The following NPC1 variants were observed in gnomAD, a reference collection of about 807,000 sequenced individuals.
NPC1 encodes the protein Niemann-Pick C1 protein.
Under a neutral mutation model 140.4 loss-of-function variants are expected in NPC1, and 85 were observed. The ratio of observed to expected loss-of-function variants is 0.61; its 90% CI spans 0.51 to 0.72. The LOEUF is 0.72. Ranked by LOEUF, NPC1 falls within the 30% of genes least tolerant of loss-of-function variation. NPC1 has a pLI of 0.00. For missense variants in NPC1, 1,504 were observed against 1,623.8 expected (o/e 0.93, Z 1.27); for synonymous variants, 656 against 624.8 (o/e 1.05, Z -0.74).
At position 23,585,680 on chromosome 18, in the gene NPC1, C is replaced by T. The variant is rs188365114; in HGVS notation, c.57+607G>A. ...AGTCAGCAGGACACCGAGTTCCAGGCCCCATCCTGTCGCTGGCTAATAGTG... is the reference window on the plus strand; with the variant it reads ...AGTCAGCAGGACACCGAGTTCCAGGTCCCATCCTGTCGCTGGCTAATAGTG... On this transcript the variant is annotated intron_variant, in intron 1 of 24. Transcript: ENST00000269228. 5.3e-5 allele frequency among the ~76,000 whole-genome samples: 8 copies of T among 152,282 alleles called. No individual in the cohort carries two copies. The East Asian group carries it at 1.5e-3, about 29-fold the overall frequency.
At chr18:23,526,822 C>G, downstream of NPC1, 1 of 1,582,818 alleles carries the variant, frequency 6.3e-7, no homozygotes, top group Non-Finnish European at 8.6e-7. Flanking sequence ...TGCTGCCCAA[C>G]ACTTTTTATC....
At chr18:23,576,352 G>A (rs1599017169) in intron 1 of NPC1, 1 of 367,562 alleles carries the variant, frequency 2.7e-6, no homozygotes, top group Non-Finnish European at 3.8e-6. Context: ...AACCCAGGAG[G>A]TTGAGGCTGC....
chr18:23,572,163 G>C lies in NPC1; in HGVS notation c.198C>G (p.Phe66Leu), dbSNP rs1464483708. The change falls in exon 3 of 25, where the codon TTC (phenylalanine) becomes TTG (leucine). Residue 66 changes from phenylalanine (F) to leucine (L), a missense_variant. Phe to Leu is a conservative substitution (Grantham distance 22, BLOSUM62 0). Coordinates refer to ENST00000269228, the MANE Select transcript of NPC1 (RefSeq NM_000271.5). ...AACAGAGACTGACATTGCCAAAGAA[G>C]AATCCTGGACAGAGTTCCTTTCAGG... ...YDLVQELCPG[F>L]FFGNVSLCCD... 1 of 1,612,932 alleles carries C rather than the reference G, an allele frequency of 6.2e-7. No homozygotes were observed. Among genetic ancestry groups the C allele is most frequent in the Non-Finnish European group, 8.5e-7 (1 of 1,179,356 alleles).
In NPC1 at chr18:23,535,638, C is replaced by A; in HGVS notation, c.3308G>T (p.Gly1103Val). 1 of 1,614,130 alleles carries A rather than the reference C, an allele frequency of 6.2e-7. No individual in the cohort carries two copies. Among genetic ancestry groups the A allele is most frequent in the Non-Finnish European group, 8.5e-7 (1 of 1,180,020 alleles). Residue 1103 changes from glycine (G) to valine (V), a missense_variant, in exon 22 of 25, where the codon GGT becomes GTT. Gly to Val is a moderately radical substitution (Grantham distance 109). Coordinates refer to ENST00000269228, the MANE Select transcript of NPC1 (RefSeq NM_000271.5). The part of the protein sequence containing the change: ...TIIDDTIFNL[G>V]VSLGAIFLVT... ...CAGAAATATCGCGCCCAGGGACACA[C>A]CGAGGTTGAAGATAGTGTCGTCAAT...
At chr18:23,536,985 GACCCA>G in intron 20 of NPC1, 109 bp from the exon 21 acceptor site, 1 of 826,158 alleles carries the variant, frequency 1.2e-6, no homozygotes, top group Non-Finnish European at 2.0e-6. Flanking sequence ...TCAGAGGTCA[GACCCA>G]GCTGTACATT....
chr18:23,534,678 G>A (rs141606629), intron 22 of NPC1, 119 bp from the exon 23 acceptor site: 21 of 773,996 alleles, frequency 2.7e-5, no homozygotes, highest in Non-Finnish European at 4.0e-5. Flanking sequence ...AGGAGGCCAA[G>A]CATCCCATTG....
At chr18:23,544,690 G>A (rs1652372) in intron 12 of NPC1, among the ~76,000 whole-genome samples, 164 bp from the exon 13 acceptor site, 1 of 152,044 alleles carries the variant, frequency 6.6e-6, no homozygotes, top group Non-Finnish European at 1.5e-5. Context: ...AGGTCTGCTC[G>A]GGCAACACAT....
chr18:23,540,149 T>C lies in NPC1; in HGVS notation c.2605-148A>G, dbSNP rs1176135989. 5 of 749,644 alleles carry C rather than the reference T, an allele frequency of 6.7e-6. No homozygotes were observed. In the African/African-American group the frequency reaches 8.6e-5, roughly 13 times the overall value. 46.4% of individuals were successfully genotyped at this position (749,644 alleles called of 1,614,324 possible). A position where few individuals can be genotyped will look rare whatever the true frequency, so the allele number is the denominator to read the frequency against. On this transcript the variant is annotated intron_variant, in intron 17 of 24. Transcript: ENST00000269228. ...TCATGATTCCTAACACCACCAGTCT[T>C]CCCCCCAGGGCCCCAGGGTGCTCCT...
chr18:23,585,352 C>T (rs2059405170), intron 1 of NPC1, among the ~76,000 whole-genome samples: 1 of 152,158 alleles, frequency 6.6e-6, no homozygotes, highest in Non-Finnish European at 1.5e-5. Context: ...GCTCTTAGTC[C>T]ATTATTGGAT....
chr18:23,533,035 C>T (rs1454853105), intron 24 of NPC1: 2 of 751,366 alleles, frequency 2.7e-6, no homozygotes, highest in Non-Finnish European at 3.2e-6. Flanking sequence ...AGATGGACTC[C>T]TTCATCTCAG....
intron 1 of NPC1, among the ~76,000 whole-genome samples, chr18:23,523,951 C>T (rs144542781): frequency 0.011 from 1,750 of 152,294 alleles, 37 homozygotes; most frequent in African/African-American, 0.04. Flanking sequence ...TTGTTAGCTC[C>T]TTCCCCCTTC....
rs2057984240 is a variant in NPC1 at position 23,515,724 on chromosome 18, G to A, written c.432-9082C>T. On this transcript the variant is annotated intron_variant, in intron 3 of 3. Transcript: ENST00000591107. ...ATTTTTGTATTTTTAGTAGAGATGGGGTTTTACCATTTTGTCCAGGCTGGT... is the reference window on the plus strand; with the variant it reads ...ATTTTTGTATTTTTAGTAGAGATGGAGTTTTACCATTTTGTCCAGGCTGGT... 9.1e-6 allele frequency: 9 copies of A among 986,552 alleles called. No individual in the cohort carries two copies. In the South Asian group the frequency reaches 1.3e-4, roughly 15 times the overall value. 61.1% of individuals were successfully genotyped at this position (986,552 alleles called of 1,614,324 possible).
At chr18:23,559,840 C>A (rs1485220196) in intron 6 of NPC1, among the ~76,000 whole-genome samples, 1 of 152,088 alleles carries the variant, frequency 6.6e-6, no homozygotes, top group African/African-American at 2.4e-5. Context: ...TGCCTGTAAT[C>A]CCAGCTACTC....
At chr18:23,547,043 C>T (rs975965839) in intron 11 of NPC1, among the ~76,000 whole-genome samples, 1 of 151,878 alleles carries the variant, frequency 6.6e-6, no homozygotes, top group Non-Finnish European at 1.5e-5. Flanking sequence ...GTCTTGAACT[C>T]CCGGCCTCAA....
downstream of NPC1, chr18:23,529,046 A>G (rs2058398242): frequency 6.3e-6 from 9 of 1,418,870 alleles, no homozygotes; most frequent in Non-Finnish European, 8.5e-6. Flanking sequence ...AAAAAGTTGT[A>G]TCTAAGTAGA....
At chr18:23,555,875 A>G (rs979839601) in intron 8 of NPC1, among the ~76,000 whole-genome samples, 1 of 152,156 alleles carries the variant, frequency 6.6e-6, no homozygotes, top group Non-Finnish European at 1.5e-5. Flanking sequence ...GTCCTTGCAT[A>G]TTACTTTCAG....
At chr18:23,540,590 G>T in intron 16 of NPC1, 53 bp from the exon 17 acceptor site, 1 of 1,272,442 alleles carries the variant, frequency 7.9e-7, no homozygotes, top group Non-Finnish European at 1.1e-6. Flanking sequence ...ATAAGCTTAC[G>T]ACCAGAAATA....
At chr18:23,540,587 T>G (rs371150397) in intron 16 of NPC1, 50 bp from the exon 17 acceptor site, 27 of 1,284,620 alleles carry the variant, frequency 2.1e-5, no homozygotes, top group Non-Finnish European at 2.9e-5. Context: ...TAAATAAGCT[T>G]ACGACCAGAA....
chr18:23,573,701 G>C (rs1184113626), intron 1 of NPC1, 127 bp from the exon 2 acceptor site: 1 of 1,076,172 alleles, frequency 9.3e-7, no homozygotes, highest in Non-Finnish European at 1.4e-6. Flanking sequence ...AACAGCAACA[G>C]GCACTTAACA....
Sources: allele counts gnomAD v4.1 joint callset (sites outside exome capture counted in the v4.1 genomes callset), GRCh38; gene constraint gnomAD v4.1.1; transcripts MANE v1.5; gene names NCBI Gene and HGNC (gene_info 2026-07-23, HGNC 2026-07-21).